Variants in NTNG1 observed in about 807,000 individuals in gnomAD.
The protein encoded by NTNG1 is netrin-G1.
A neutral mutation model predicts 54.0 loss-of-function variants in NTNG1; 16 were observed. The ratio of observed to expected loss-of-function variants is 0.30; its 90% CI spans 0.20 to 0.45. The LOEUF is 0.45. Ranked by LOEUF, NTNG1 falls within the 20% of genes least tolerant of loss-of-function variation. The pLI, the probability that NTNG1 is intolerant of heterozygous loss-of-function variation, is 1.00. For synonymous variants in NTNG1, 255 were observed against 263.1 expected (o/e 0.97, Z 0.30); for missense variants, 530 against 678.7 (o/e 0.78, Z 2.43).
Position 107,364,664 on chromosome 1 carries a change from C to T in NTNG1, c.888-30490C>T, listed in dbSNP as rs981657565. Reference sequence around the variant, plus strand: ...TTCACACATAAGAAAGCATCTCCATCATTTTTTTCCTCCTAACATGTATTG... The same window carrying T: ...TTCACACATAAGAAAGCATCTCCATTATTTTTTTCCTCCTAACATGTATTG... On this transcript the variant is annotated intron_variant, in intron 3 of 7. Coordinates refer to ENST00000370068, the MANE Select transcript of NTNG1 (RefSeq NM_001113226.3). Among the ~76,000 whole-genome samples the T allele has an allele frequency of 4.6e-5, 7 of 152,336 alleles. No individual in the cohort carries two copies. In the East Asian group the frequency reaches 1.3e-3, roughly 29 times the overall value.
chr1:107,246,408 CAAAA>C (rs61237534), intron 2 of NTNG1, among the ~76,000 whole-genome samples: 6 of 138,548 alleles, frequency 4.3e-5, no homozygotes, highest in Non-Finnish European at 1.6e-5. Flanking sequence ...CTTGTTTAAG[CAAAA>C]AAAAAAAAAA....
intron 1 of NTNG1, among the ~76,000 whole-genome samples, chr1:107,141,650 A>G (rs1187350125): frequency 6.6e-6 from 1 of 152,020 alleles, no homozygotes; most frequent in African/African-American, 2.4e-5. Context: ...CCCTACGCGC[A>G]CACACAGCGG....
chr1:107,283,677 A>C (rs1033286457), intron 2 of NTNG1, among the ~76,000 whole-genome samples: 2 of 152,138 alleles, frequency 1.3e-5, no homozygotes, highest in Non-Finnish European at 2.9e-5. Context: ...TTATCTTTTC[A>C]ATCCAATTTA....
chr1:107,207,493 G>C (rs1418318964), intron 2 of NTNG1, among the ~76,000 whole-genome samples: 1 of 152,080 alleles, frequency 6.6e-6, no homozygotes, highest in Non-Finnish European at 1.5e-5. Context: ...GTACTTATTT[G>C]CTTTTTTAAA....
At chr1:107,443,589 A>G (rs967381560) in intron 7 of NTNG1, among the ~76,000 whole-genome samples, 3 of 152,132 alleles carry the variant, frequency 2.0e-5, no homozygotes, top group Non-Finnish European at 4.4e-5. Context: ...GTCGTGTTAC[A>G]TTAAAATGTC....
chr1:107,289,268 A>G lies in NTNG1; in HGVS notation c.247-35014A>G, dbSNP rs115495923. On this transcript the variant is annotated intron_variant, in intron 2 of 7. Coordinates refer to ENST00000370068, the MANE Select transcript of NTNG1 (RefSeq NM_001113226.3). ...CTGTCTTCATCGGGAACCTTGTGCTATTAGTTATTACCTCATCCCCATGTA... is the reference window on the plus strand; with the variant it reads ...CTGTCTTCATCGGGAACCTTGTGCTGTTAGTTATTACCTCATCCCCATGTA... 6.7e-3 allele frequency among the ~76,000 whole-genome samples: 1,024 copies of G among 152,186 alleles called. 11 individuals are homozygous for G. Among genetic ancestry groups the G allele is most frequent in the African/African-American group, 0.023 (945 of 41,540 alleles).
chr1:107,481,431 AAGCC>A lies in NTNG1; in HGVS notation c.*594_*597del, dbSNP rs1232841578. The A allele has an allele frequency of 6.5e-6, 1 of 153,068 alleles. No individual in the cohort carries two copies. The highest frequency in any genetic ancestry group is 1.9e-4 in the East Asian group (1 of 5,208). 9.5% of individuals were successfully genotyped at this position (153,068 alleles called of 1,614,324 possible). On this transcript the variant is annotated 3_prime_UTR_variant, in exon 8 of 8. Coordinates refer to ENST00000370068, the MANE Select transcript of NTNG1 (RefSeq NM_001113226.3). ...GTGTAACAGCCCCCTCTAAAAGCGC[AAGCC>A]AGTCATACCCCTGTATATCTTAGCA...
At chr1:107,256,603 A>G (rs771689407) in intron 2 of NTNG1, among the ~76,000 whole-genome samples, 4 of 152,326 alleles carry the variant, frequency 2.6e-5, no homozygotes, top group East Asian at 1.9e-4. Flanking sequence ...GCTCTCAGAA[A>G]GGAAGAGCTA....
intron 1 of NTNG1, among the ~76,000 whole-genome samples, chr1:107,147,771 C>A (rs1365342565): frequency 6.6e-6 from 1 of 152,142 alleles, no homozygotes; most frequent in African/African-American, 2.4e-5. Context: ...ATGTTCAAAT[C>A]TAGCTGCTTG....
At position 107,484,545 on chromosome 1, in the gene NTNG1, G is replaced by A. The variant is rs551617202; in HGVS notation, c.*3705G>A. On this transcript the variant is annotated 3_prime_UTR_variant, in exon 8 of 8. Coordinates refer to ENST00000370068, the MANE Select transcript of NTNG1 (RefSeq NM_001113226.3). ...ATCTGCCTGAGGTGCCCTTGAGTCA[G>A]ATCCCTAAGTTGGCACAAACTGCTA... Among the ~76,000 whole-genome samples the A allele has an allele frequency of 1.3e-5, 2 of 152,336 alleles. No homozygotes were observed. The highest frequency in any genetic ancestry group is 3.9e-4 in the East Asian group (2 of 5,186).
chr1:107,351,486 G>A (rs1042523168), intron 3 of NTNG1, among the ~76,000 whole-genome samples: 2 of 152,144 alleles, frequency 1.3e-5, no homozygotes, highest in Admixed American at 6.5e-5. Context: ...AAAGATGGGG[G>A]CAGTGCTACA....
At chr1:107,259,597 T>C (rs1258888707) in intron 2 of NTNG1, among the ~76,000 whole-genome samples, 20 of 152,236 alleles carry the variant, frequency 1.3e-4, no homozygotes, top group Non-Finnish European at 2.8e-4. Context: ...GCTCTTCTCT[T>C]TAATTTTCCT....
At chr1:107,377,637 GCAC>G (rs960812604) in intron 3 of NTNG1, among the ~76,000 whole-genome samples, 4 of 152,206 alleles carry the variant, frequency 2.6e-5, no homozygotes, top group African/African-American at 9.6e-5. Flanking sequence ...AGAGATCAGA[GCAC>G]CACACTCCTC....
intron 3 of NTNG1, among the ~76,000 whole-genome samples, chr1:107,386,704 A>G (rs1557955410): frequency 6.6e-6 from 1 of 152,192 alleles, no homozygotes; most frequent in Non-Finnish European, 1.5e-5. Context: ...ATATTTGCGT[A>G]CAAGTTTTTA....
chr1:107,168,070 A>G (rs1342591649), intron 2 of NTNG1, among the ~76,000 whole-genome samples: 1 of 152,062 alleles, frequency 6.6e-6, no homozygotes, highest in African/African-American at 2.4e-5. Context: ...TCACAGTATA[A>G]CTAAAGGGAG....
chr1:107,396,938 G>C (rs567941259), intron 4 of NTNG1, among the ~76,000 whole-genome samples: 5 of 152,252 alleles, frequency 3.3e-5, no homozygotes, highest in Admixed American at 2.6e-4. Flanking sequence ...TCTTCTACCC[G>C]TAACTGTACT....
At chr1:107,448,237 C>A (rs1676418676) in intron 7 of NTNG1, among the ~76,000 whole-genome samples, 1 of 152,070 alleles carries the variant, frequency 6.6e-6, no homozygotes. Context: ...TAAATCAGCT[C>A]TCCTTATTAA....
At chr1:107,407,776 T>A in intron 5 of NTNG1, 68 bp downstream of exon 5, 1 of 1,287,810 alleles carries the variant, frequency 7.8e-7, no homozygotes, top group Non-Finnish European at 1.1e-6. Context: ...GTTGTTCACC[T>A]CCTCAGATCT....
chr1:107,360,665 C>T (rs2100944308), intron 3 of NTNG1, among the ~76,000 whole-genome samples: 1 of 152,236 alleles, frequency 6.6e-6, no homozygotes, highest in African/African-American at 2.4e-5. Context: ...CAAGTAATGC[C>T]TGTGAAATTT....
Sources: gnomAD v4.1 joint callset for allele counts (sites outside exome capture counted in the v4.1 genomes callset) on GRCh38, gnomAD v4.1.1 for gene constraint, MANE v1.5 for transcripts, NCBI Gene and HGNC (gene_info 2026-07-23, HGNC 2026-07-21) for gene names.